The following CSRNP3 variants were observed in gnomAD, a reference collection of about 807,000 sequenced individuals.
CSRNP3 encodes cysteine and serine rich nuclear protein 3.
Under a neutral mutation model 48.0 loss-of-function variants are expected in CSRNP3, and 12 were observed. The ratio of observed to expected loss-of-function variants is 0.25; its 90% CI spans 0.16 to 0.41. The LOEUF (loss-of-function observed/expected upper bound fraction) is 0.41. Among genes scored for constraint, CSRNP3 ranks in the 10% least tolerant of loss-of-function variants. The pLI is 1.00. For synonymous variants in CSRNP3, 263 were observed against 269.7 expected (o/e 0.98, Z 0.24); for missense variants, 580 against 724.4 (o/e 0.80, Z 2.29).
At chr2:165,581,695 C>G (rs1157522191) in intron 3 of CSRNP3, among the ~76,000 whole-genome samples, 4 of 152,160 alleles carry the variant, frequency 2.6e-5, no homozygotes, top group Admixed American at 2.0e-4. Context: ...CATCACCATG[C>G]CCAGCTAATT....
At chr2:165,573,204 T>C (rs1465960427) in intron 3 of CSRNP3, among the ~76,000 whole-genome samples, 1 of 152,130 alleles carries the variant, frequency 6.6e-6, no homozygotes, top group Non-Finnish European at 1.5e-5. Context: ...TTTTGACACA[T>C]GAAAAAGATT....
chr2:165,602,850 C>T (rs77722672), intron 4 of CSRNP3, among the ~76,000 whole-genome samples: 2,826 of 152,246 alleles, frequency 0.019, 85 homozygotes, highest in African/African-American at 0.065. Flanking sequence ...TTGACACATC[C>T]TCTTCGCCAT....
intron 3 of CSRNP3, among the ~76,000 whole-genome samples, chr2:165,574,677 G>A (rs991947735): frequency 2.0e-5 from 3 of 152,036 alleles, no homozygotes; most frequent in African/African-American, 7.2e-5. Flanking sequence ...CATTTCGGGG[G>A]TAAGTTCTTT....
intron 3 of CSRNP3, among the ~76,000 whole-genome samples, chr2:165,593,645 A>G (rs1194168649): frequency 6.6e-6 from 1 of 152,178 alleles, no homozygotes; most frequent in East Asian, 1.9e-4. Flanking sequence ...AGCAGTACAG[A>G]GATAATATAA....
At chr2:165,545,567 T>A (rs1397088891) in intron 3 of CSRNP3, among the ~76,000 whole-genome samples, 1 of 152,088 alleles carries the variant, frequency 6.6e-6, no homozygotes, top group African/African-American at 2.4e-5. Flanking sequence ...GGAAAATATG[T>A]AGAGAGGTAT....
At chr2:165,589,850 GAGAAGTCTACCTTTCCTAA>G (rs1219761783) in intron 3 of CSRNP3, among the ~76,000 whole-genome samples, 1 of 152,120 alleles carries the variant, frequency 6.6e-6, no homozygotes, top group Non-Finnish European at 1.5e-5. Context: ...CTTGATTCTT[GAGAAGTCTACCTTTCCTAA>G]AGAAGCTGGG....
chr2:165,561,227 C>T (rs1286800219), intron 3 of CSRNP3, among the ~76,000 whole-genome samples: 6 of 152,030 alleles, frequency 3.9e-5, no homozygotes, highest in African/African-American at 1.4e-4. Flanking sequence ...TTACATTTGC[C>T]GTCAGTAAAA....
intron 2 of CSRNP3, among the ~76,000 whole-genome samples, chr2:165,506,169 T>G (rs1370563727): frequency 6.6e-6 from 1 of 152,186 alleles, no homozygotes; most frequent in Admixed American, 6.5e-5. Context: ...GTCTGTGTAC[T>G]TATAGACATA....
intron 2 of CSRNP3, among the ~76,000 whole-genome samples, chr2:165,500,404 TGTATAC>T: frequency 7.0e-6 from 1 of 141,960 alleles, no homozygotes; most frequent in African/African-American, 2.7e-5. Context: ...TATACATATA[TGTATAC>T]ATATATATAT....
At chr2:165,503,767 T>G (rs971916560) in intron 2 of CSRNP3, among the ~76,000 whole-genome samples, 49 of 152,112 alleles carry the variant, frequency 3.2e-4, no homozygotes, top group Non-Finnish European at 6.8e-4. Context: ...ACAATTGTTG[T>G]GTCTACTATG....
At chr2:165,544,867 T>C (rs1457525649) in intron 3 of CSRNP3, among the ~76,000 whole-genome samples, 2 of 151,874 alleles carry the variant, frequency 1.3e-5, no homozygotes, top group African/African-American at 4.8e-5. Flanking sequence ...ACAAAAAAGG[T>C]AAATGTAAAT....
intron 1 of CSRNP3, among the ~76,000 whole-genome samples, chr2:165,481,907 C>A (rs1469092580): frequency 6.6e-6 from 1 of 151,980 alleles, no homozygotes; most frequent in East Asian, 1.9e-4. Flanking sequence ...AAGACGGGAA[C>A]AATAGGTACT....
At chr2:165,515,035 C>T (rs771484837) in intron 2 of CSRNP3, among the ~76,000 whole-genome samples, 9 of 152,046 alleles carry the variant, frequency 5.9e-5, no homozygotes, top group African/African-American at 9.7e-5. Flanking sequence ...GTTATAGATA[C>T]GTGGCCAAGC....
At chr2:165,557,354 A>C (rs929211641) in intron 3 of CSRNP3, among the ~76,000 whole-genome samples, 2 of 152,228 alleles carry the variant, frequency 1.3e-5, no homozygotes, top group African/African-American at 4.8e-5. Context: ...TGTTTTGCAA[A>C]AGCCTAAAAT....
In CSRNP3 at chr2:165,687,000, T is replaced by G. The variant is rs886860494; in HGVS notation, c.*7247T>G. 3 of 152,106 alleles carry G rather than the reference T, an allele frequency of 2.0e-5. No homozygotes were observed. Among genetic ancestry groups the G allele is most frequent in the African/African-American group, 7.2e-5 (3 of 41,448 alleles). 9.4% of individuals were successfully genotyped at this position (152,106 alleles called of 1,614,324 possible). On this transcript the variant is annotated 3_prime_UTR_variant, in exon 7 of 7. Transcript: ENST00000651982. ...CAACAGGAGAGATCGCCATCTATTCTTAACATCTCTAGGGAAGGCAGTTTC... is the reference window on the plus strand; with the variant it reads ...CAACAGGAGAGATCGCCATCTATTCGTAACATCTCTAGGGAAGGCAGTTTC...
chr2:165,548,577 A>T lies in CSRNP3; in HGVS notation c.-24+30616A>T, dbSNP rs561981989. On this transcript the variant is annotated intron_variant, in intron 3 of 6. Coordinates refer to ENST00000651982, the MANE Select transcript of CSRNP3 (RefSeq NM_001172173.2). ...TCTGTGTCTTCTCACAAAGATCGCAAACAAGATTTCTTTTTAAGTGTTGTG... is the reference window on the plus strand; with the variant it reads ...TCTGTGTCTTCTCACAAAGATCGCATACAAGATTTCTTTTTAAGTGTTGTG... 2.6e-3 allele frequency among the ~76,000 whole-genome samples: 398 copies of T among 152,206 alleles called. 1 individual carries two copies. The highest frequency in any genetic ancestry group is 6.8e-3 in the Middle Eastern group (2 of 294).
In CSRNP3 at chr2:165,652,368, G is replaced by A. The variant is rs146558804; in HGVS notation, c.149-5393G>A. Among the ~76,000 whole-genome samples, 12 of 151,744 alleles carry A rather than the reference G, an allele frequency of 7.9e-5. No individual in the cohort carries two copies. In the East Asian group the frequency reaches 2.4e-3, roughly 30 times the overall value. On this transcript the variant is annotated intron_variant, in intron 4 of 6. Coordinates refer to ENST00000651982, the MANE Select transcript of CSRNP3 (RefSeq NM_001172173.2). ...CTACTAAAATACAAAGTGTGGTGGT[G>A]TGCACCTGTAGTCCCAGCTACTCGG...
chr2:165,508,897 A>G (rs1355770193), intron 2 of CSRNP3, among the ~76,000 whole-genome samples: 2 of 152,200 alleles, frequency 1.3e-5, no homozygotes, highest in Non-Finnish European at 2.9e-5. Flanking sequence ...TGTTACTATG[A>G]AAAAGGCTAT....
intron 2 of CSRNP3, 29 bp downstream of exon 2, chr2:165,494,957 T>C (rs960836896): frequency 2.0e-5 from 3 of 152,986 alleles, no homozygotes; most frequent in Non-Finnish European, 4.4e-5. Context: ...GTTTCAGTTG[T>C]GCTCTAAATT....
Sources: gnomAD v4.1 joint callset for allele counts (sites outside exome capture counted in the v4.1 genomes callset) on GRCh38, gnomAD v4.1.1 for gene constraint, MANE v1.5 for transcripts, NCBI Gene and HGNC (gene_info 2026-07-23, HGNC 2026-07-21) for gene names.